MBD2: variants seen among roughly 807,000 people sequenced by gnomAD.
MBD2 encodes methyl-CpG-binding domain protein 2.
Under a neutral mutation model 39.3 loss-of-function variants are expected in MBD2, and 9 were observed. That is an observed-to-expected ratio of 0.23 (90% CI 0.14 to 0.40). The LOEUF (loss-of-function observed/expected upper bound fraction) is 0.40, where lower values mean the gene tolerates loss of function less well. MBD2 is among the 10% of genes least tolerant of loss of function. The pLI is 1.00. For synonymous variants in MBD2, 233 were observed against 211.1 expected (o/e 1.10, Z -0.90); for missense variants, 458 against 532.6 (o/e 0.86, Z 1.38).
intron 1 of MBD2, among the ~76,000 whole-genome samples, chr18:54,220,284 A>T (rs1302982504): frequency 6.6e-6 from 1 of 152,140 alleles, no homozygotes; most frequent in Non-Finnish European, 1.5e-5. Context: ...AAATATACCA[A>T]TGGATCCAAT....
chr18:54,161,304 T>G (rs2086096379), intron 5 of MBD2, among the ~76,000 whole-genome samples: 1 of 152,210 alleles, frequency 6.6e-6, no homozygotes, highest in South Asian at 2.1e-4. Context: ...AAATGAATTT[T>G]CAAAAAGAGG....
chr18:54,203,252 CATT>C, intron 2 of MBD2: 1 of 978,396 alleles, frequency 1.0e-6, no homozygotes, highest in Non-Finnish European at 1.5e-6. Context: ...AAGTACTCTT[CATT>C]TCATAAATAC....
chr18:54,202,743 G>T (rs956565859), intron 2 of MBD2: 2 of 1,426,582 alleles, frequency 1.4e-6, no homozygotes, highest in Non-Finnish European at 9.2e-7. Flanking sequence ...TCTAGAATGA[G>T]GTGGATGGTA....
At chr18:54,173,824 A>C (rs1415762076) in intron 3 of MBD2, among the ~76,000 whole-genome samples, 1 of 152,234 alleles carries the variant, frequency 6.6e-6, no homozygotes, top group Non-Finnish European at 1.5e-5. Context: ...GAAAAGGATC[A>C]GAATTTTGCT....
At chr18:54,183,443 G>A (rs1419865735) in intron 3 of MBD2, among the ~76,000 whole-genome samples, 1 of 151,802 alleles carries the variant, frequency 6.6e-6, no homozygotes, top group East Asian at 1.9e-4. Context: ...CCTAAGAAGG[G>A]GATTCAGAAA....
At chr18:54,156,325 A>C (rs1452707342) in intron 6 of MBD2, among the ~76,000 whole-genome samples, 1 of 152,218 alleles carries the variant, frequency 6.6e-6, no homozygotes, top group Non-Finnish European at 1.5e-5. Flanking sequence ...AAGATAACAT[A>C]AATAATTTGA....
chr18:54,209,985 T>C (rs1236679062), intron 1 of MBD2, among the ~76,000 whole-genome samples: 1 of 152,128 alleles, frequency 6.6e-6, no homozygotes, highest in Non-Finnish European at 1.5e-5. Flanking sequence ...TTAGGGAAGT[T>C]CAAAAACTCT....
At chr18:54,217,813 A>G (rs1477716048) in intron 1 of MBD2, among the ~76,000 whole-genome samples, 1 of 152,238 alleles carries the variant, frequency 6.6e-6, no homozygotes, top group Non-Finnish European at 1.5e-5. Context: ...TTCCTCTAAT[A>G]CAAGTATTGT....
chr18:54,161,414 A>G (rs1308934992), intron 5 of MBD2, among the ~76,000 whole-genome samples: 4 of 152,208 alleles, frequency 2.6e-5, no homozygotes, highest in African/African-American at 9.6e-5. Context: ...GTCAAGCAGA[A>G]CACATTTGTT....
chr18:54,162,560 A>G (rs944746752), intron 5 of MBD2, among the ~76,000 whole-genome samples: 14 of 152,350 alleles, frequency 9.2e-5, no homozygotes, highest in Admixed American at 3.9e-4. Flanking sequence ...TTCCTCAACT[A>G]TCAAAAGAAC....
chr18:54,176,003 T>G (rs938850053), intron 3 of MBD2, among the ~76,000 whole-genome samples: 1 of 152,266 alleles, frequency 6.6e-6, no homozygotes, highest in African/African-American at 2.4e-5. Flanking sequence ...GTGATATACT[T>G]TTTAAAGTAT....
At chr18:54,198,693 AAAGT>A (rs1440963619) in intron 2 of MBD2, among the ~76,000 whole-genome samples, 1 of 152,228 alleles carries the variant, frequency 6.6e-6, no homozygotes, top group Non-Finnish European at 1.5e-5. Flanking sequence ...CCTGGGTGAG[AAAGT>A]GAGACCGTCT....
At chr18:54,158,546 T>C (rs971068867) in intron 6 of MBD2, among the ~76,000 whole-genome samples, 8 of 152,124 alleles carry the variant, frequency 5.3e-5, no homozygotes, top group East Asian at 1.9e-4. Context: ...CTGCACGTGC[T>C]CCTCTGAAGA....
Position 54,202,785 on chromosome 18 carries a change from C to G in MBD2, c.702+2213G>C. On this transcript the variant is annotated intron_variant, in intron 2 of 6. Transcript: ENST00000256429. ...ATAAACATAAAGCAATATTAAGTACCTACCGTGTGCAAAAGCAAAAAAAGA... is the reference window on the plus strand; with the variant it reads ...ATAAACATAAAGCAATATTAAGTACGTACCGTGTGCAAAAGCAAAAAAAGA... 2.0e-6 allele frequency: 3 copies of G among 1,530,040 alleles called. No individual in the cohort carries two copies. The South Asian group carries it at 3.9e-5, about 20-fold the overall frequency. The allele number at this position is 1,530,040 out of a possible 1,614,324, so 94.8% of individuals were successfully genotyped here.
rs1290713520 is a variant in MBD2, at chr18:54,166,129, G to C, written c.878C>G (p.Ser293Ter). ...WEKRLQGLSASDVTEQIIKTM... is the reference protein window; with the variant it reads ...WEKRLQGLSA ...TTTTATAATTTGTTCTGTTACATCT[G>C]ATGCACTAAGTCCTTGTAGCCTCTT... is the stretch of plus-strand genomic sequence containing the variant. The change falls in exon 4 of 7, where the codon TCA becomes TGA. Residue 293 changes from serine to a stop codon, truncating the protein, a stop_gained. Transcript: ENST00000256429. LOFTEE classifies it high-confidence loss of function. 1 of 1,613,644 alleles carries C rather than the reference G, an allele frequency of 6.2e-7. No homozygotes were observed. The highest frequency in any genetic ancestry group is 8.5e-7 in the Non-Finnish European group (1 of 1,179,712).
intron 3 of MBD2, among the ~76,000 whole-genome samples, chr18:54,170,813 C>A (rs1234305242): frequency 6.6e-6 from 1 of 152,030 alleles, no homozygotes; most frequent in Non-Finnish European, 1.5e-5. Context: ...GAAGAGGTAG[C>A]CCTTGAAAAT....
At chr18:54,217,818 T>C (rs574992228) in intron 1 of MBD2, among the ~76,000 whole-genome samples, 3 of 152,342 alleles carry the variant, frequency 2.0e-5, no homozygotes, top group Admixed American at 1.3e-4. Context: ...CTAATACAAG[T>C]ATTGTGGGTG....
chr18:54,217,109 T>C (rs1159484948), intron 1 of MBD2, among the ~76,000 whole-genome samples: 1 of 151,894 alleles, frequency 6.6e-6, no homozygotes, highest in Non-Finnish European at 1.5e-5. Flanking sequence ...CAAAACAAAA[T>C]AAAAAATTAA....
At chr18:54,198,781 G>A (rs1289896236) in intron 2 of MBD2, among the ~76,000 whole-genome samples, 2 of 152,134 alleles carry the variant, frequency 1.3e-5, no homozygotes, top group Non-Finnish European at 2.9e-5. Flanking sequence ...AGGCATGGTC[G>A]CCCAGATTAG....
Sources: gnomAD v4.1 joint callset for allele counts (sites outside exome capture counted in the v4.1 genomes callset) on GRCh38, gnomAD v4.1.1 for gene constraint, MANE v1.5 for transcripts, NCBI Gene and HGNC (gene_info 2026-07-23, HGNC 2026-07-21) for gene names.